PLCL1: variants seen among roughly 807,000 people sequenced by gnomAD.
PLCL1 encodes inactive phospholipase C-like protein 1.
In PLCL1, 41 loss-of-function variants were observed where a neutral mutation model predicts 84.4. The observed-to-expected ratio is 0.49, with a 90% CI of 0.38 to 0.63. The LOEUF is 0.63. PLCL1 is among the 30% of genes least tolerant of loss of function. The pLI is 0.00. For synonymous variants in PLCL1, 490 were observed against 488.3 expected (o/e 1.00, Z -0.05); for missense variants, 1,206 against 1,367.8 (o/e 0.88, Z 1.87).
At chr2:197,893,726 T>C (rs1688076876) in intron 1 of PLCL1, among the ~76,000 whole-genome samples, 1 of 152,136 alleles carries the variant, frequency 6.6e-6, no homozygotes. Flanking sequence ...CTAGGGTAGC[T>C]GGGCTTTACG....
At chr2:198,023,894 T>C (rs1691199064) in intron 1 of PLCL1, among the ~76,000 whole-genome samples, 1 of 152,234 alleles carries the variant, frequency 6.6e-6, no homozygotes, top group African/African-American at 2.4e-5. Flanking sequence ...ATCCCATTTC[T>C]GGGTATATAC....
chr2:197,923,693 G>A (rs1485002305), intron 1 of PLCL1, among the ~76,000 whole-genome samples: 3 of 149,780 alleles, frequency 2.0e-5, no homozygotes, highest in African/African-American at 7.4e-5. Flanking sequence ...CAGGCAGAGA[G>A]GCTCCTCACA....
At chr2:197,819,312 G>A (rs1243771308) in intron 1 of PLCL1, among the ~76,000 whole-genome samples, 2 of 152,124 alleles carry the variant, frequency 1.3e-5, no homozygotes, top group African/African-American at 4.8e-5. Context: ...GGGCTGCAAA[G>A]TAGAGAAGAC....
chr2:198,024,775 A>AAAAAAC (rs1336035921), intron 1 of PLCL1, among the ~76,000 whole-genome samples: 2 of 152,036 alleles, frequency 1.3e-5, no homozygotes, highest in African/African-American at 4.8e-5. Flanking sequence ...AAAAAAAAAA[A>AAAAAAC]CAATTACTAC....
chr2:198,119,735 C>T (rs1342544331), intron 5 of PLCL1, among the ~76,000 whole-genome samples: 1 of 151,984 alleles, frequency 6.6e-6, no homozygotes, highest in Non-Finnish European at 1.5e-5. Context: ...GCTCACCACC[C>T]TGACTCACTA....
intron 1 of PLCL1, among the ~76,000 whole-genome samples, chr2:198,060,887 C>T (rs562856343): frequency 1.3e-5 from 2 of 152,178 alleles, no homozygotes; most frequent in South Asian, 2.1e-4. Context: ...GAATGTTAAT[C>T]GGATTGTCTC....
intron 1 of PLCL1, among the ~76,000 whole-genome samples, chr2:197,972,719 AT>A (rs1189369861): frequency 6.6e-6 from 1 of 152,136 alleles, no homozygotes; most frequent in Non-Finnish European, 1.5e-5. Flanking sequence ...CCTAGGTTTA[AT>A]TTTTTTAAGT....
chr2:198,030,153 C>T (rs1691376558), intron 1 of PLCL1, among the ~76,000 whole-genome samples: 1 of 152,042 alleles, frequency 6.6e-6, no homozygotes, highest in South Asian at 2.1e-4. Flanking sequence ...CTTTTTCCCT[C>T]CTCCCACCCT....
chr2:198,095,573 C>T (rs1051776834), intron 3 of PLCL1, among the ~76,000 whole-genome samples: 1 of 152,138 alleles, frequency 6.6e-6, no homozygotes, highest in Admixed American at 6.6e-5. Flanking sequence ...TTCAGCAGAT[C>T]TTGTGCTTCA....
At chr2:197,997,855 G>T (rs1192217192) in intron 1 of PLCL1, among the ~76,000 whole-genome samples, 2 of 152,166 alleles carry the variant, frequency 1.3e-5, no homozygotes, top group Non-Finnish European at 2.9e-5. Flanking sequence ...CTCCCAAAAA[G>T]TTCCCTGAGG....
intron 1 of PLCL1, among the ~76,000 whole-genome samples, chr2:197,862,756 C>T (rs1157239646): frequency 6.6e-6 from 1 of 152,106 alleles, no homozygotes; most frequent in African/African-American, 2.4e-5. Flanking sequence ...ACTGCTTGAT[C>T]TGGTGTGAGT....
intron 1 of PLCL1, among the ~76,000 whole-genome samples, chr2:197,901,277 G>A (rs1390829705): frequency 6.6e-6 from 1 of 152,100 alleles, no homozygotes; most frequent in African/African-American, 2.4e-5. Context: ...ATAAGGCATA[G>A]GAAGTTAACT....
At chr2:198,034,539 G>A (rs1448457692) in intron 1 of PLCL1, among the ~76,000 whole-genome samples, 1 of 152,160 alleles carries the variant, frequency 6.6e-6, no homozygotes, top group Non-Finnish European at 1.5e-5. Context: ...GAAATACTAT[G>A]CAGCCATAAA....
At position 198,148,864 on chromosome 2, in the gene PLCL1, A is replaced by G. The variant is rs768382249; in HGVS notation, c.*1902A>G. On this transcript the variant is annotated 3_prime_UTR_variant, in exon 6 of 6. Transcript: ENST00000428675. ...ACAAACTCTCAAACAATATTTATAC[A>G]TTTATTTACTCCAGGGTCAAATCCA... The G allele has an allele frequency of 2.0e-5, 3 of 152,312 alleles. No homozygotes were observed. The highest frequency in any genetic ancestry group is 4.4e-5 in the Non-Finnish European group (3 of 68,030). 9.4% of individuals were successfully genotyped at this position (152,312 alleles called of 1,614,324 possible).
At chr2:198,032,173 C>T (rs1015151886) in intron 1 of PLCL1, among the ~76,000 whole-genome samples, 1 of 152,178 alleles carries the variant, frequency 6.6e-6, no homozygotes, top group Non-Finnish European at 1.5e-5. Context: ...AAGAATCAAT[C>T]TGTCTGTGTG....
intron 1 of PLCL1, among the ~76,000 whole-genome samples, chr2:197,834,946 A>T (rs185537313): frequency 3.0e-4 from 46 of 152,390 alleles, no homozygotes; most frequent in Middle Eastern, 3.4e-3. Context: ...TGGCACATGT[A>T]TACCATGGAA....
At chr2:198,107,929 G>T (rs1693528611) in intron 5 of PLCL1, among the ~76,000 whole-genome samples, 1 of 151,674 alleles carries the variant, frequency 6.6e-6, no homozygotes, top group African/African-American at 2.4e-5. Context: ...TGTTAATCTG[G>T]TGTCCTTTCC....
At chr2:197,920,773 A>T (rs1307094847) in intron 1 of PLCL1, among the ~76,000 whole-genome samples, 1 of 152,218 alleles carries the variant, frequency 6.6e-6, no homozygotes, top group Admixed American at 6.5e-5. Flanking sequence ...CTGTTTTCCA[A>T]AAGTGGGCAA....
At position 198,147,292 on chromosome 2, in the gene PLCL1, G is replaced by A. The variant is rs77466253; in HGVS notation, c.*330G>A. The A allele has an allele frequency of 5.6e-3, 951 of 170,808 alleles. 5 individuals are homozygous for A. Among genetic ancestry groups the A allele is most frequent in the Middle Eastern group, 0.015 (6 of 410 alleles). 10.6% of individuals were successfully genotyped at this position (170,808 alleles called of 1,614,324 possible). ...ATTCTGTTAAAATCTATTCTGTGTT[G>A]CATTATTCATTTAGTGAGTTATTCC... On this transcript the variant is annotated 3_prime_UTR_variant, in exon 6 of 6. Coordinates refer to ENST00000428675, the MANE Select transcript of PLCL1 (RefSeq NM_006226.4).
Sources: allele counts gnomAD v4.1 joint callset (sites outside exome capture counted in the v4.1 genomes callset), GRCh38; gene constraint gnomAD v4.1.1; transcripts MANE v1.5; gene names NCBI Gene and HGNC (gene_info 2026-07-23, HGNC 2026-07-21).